Variants in PAX8 observed in about 807,000 individuals in gnomAD.
The protein encoded by PAX8 is paired box protein Pax-8.
Under a neutral mutation model 52.4 loss-of-function variants are expected in PAX8, and 15 were observed. The observed-to-expected ratio is 0.29, with a 90% CI of 0.19 to 0.44. The LOEUF (loss-of-function observed/expected upper bound fraction) is 0.44, where lower values mean the gene tolerates loss of function less well. PAX8 is among the 20% of genes least tolerant of loss of function. The pLI is 1.00. For synonymous variants in PAX8, 284 were observed against 249.7 expected, an observed-to-expected ratio of 1.14 and a Z score of -1.29; for missense variants, 554 against 602.5, an observed-to-expected ratio of 0.92 and a Z score of 0.84.
intron 2 of PAX8, among the ~76,000 whole-genome samples, chr2:113,252,821 C>A (rs1451088688): frequency 6.6e-6 from 1 of 152,204 alleles, no homozygotes; most frequent in Non-Finnish European, 1.5e-5. Context: ...CCAGGTCCTT[C>A]CCCTAAACGT....
intron 2 of PAX8, among the ~76,000 whole-genome samples, chr2:113,264,556 A>G (rs1490013964): frequency 6.6e-6 from 1 of 152,242 alleles, no homozygotes; most frequent in East Asian, 1.9e-4. Context: ...CAGCCCAGAC[A>G]TTTGTAGAGT....
chr2:113,220,130 TAGG>T lies in PAX8; in HGVS notation c.1235_1237del (p.Ser412del). On this transcript the variant is annotated inframe_deletion, in exon 11 of 12. Coordinates refer to ENST00000429538, the MANE Select transcript of PAX8 (RefSeq NM_003466.4). ...GTTGGGGAAGCGCCAGGCCTCGCTGTAGGAGGAGTAGGGGGTGTGGCCATAGGC... is the reference window on the plus strand; with the variant it reads ...GTTGGGGAAGCGCCAGGCCTCGCTGTAGGAGTAGGGGGTGTGGCCATAGGC... 1.2e-6 allele frequency: 2 copies of T among 1,613,706 alleles called. No homozygotes were observed. The highest frequency in any genetic ancestry group is 8.5e-7 in the Non-Finnish European group (1 of 1,179,880).
chr2:113,224,819 A>T (rs915049395), intron 10 of PAX8, among the ~76,000 whole-genome samples: 1 of 146,472 alleles, frequency 6.8e-6, no homozygotes, highest in Admixed American at 6.8e-5. Context: ...AATAAAATAA[A>T]AAAATAAAAT....
intron 5 of PAX8, 47 bp from the exon 6 acceptor site, chr2:113,242,177 TCA>T (rs759180661): frequency 1.9e-6 from 3 of 1,565,418 alleles, no homozygotes; most frequent in South Asian, 2.2e-5. Context: ...GTGACACCCC[TCA>T]CAGCCCTGGG....
At chr2:113,275,820 C>T (rs1210018209) in intron 2 of PAX8, 2 of 152,248 alleles carry the variant, frequency 1.3e-5, no homozygotes, top group Non-Finnish European at 1.5e-5. Flanking sequence ...CTGACCTGCG[C>T]ACGTTAAAAT....
chr2:113,278,584 A>AT, intron 1 of PAX8, 115 bp from the exon 2 acceptor site: 1 of 1,001,526 alleles, frequency 1.0e-6, no homozygotes, highest in Admixed American at 2.2e-5. Context: ...GAGTAGGAGG[A>AT]TTTTTAGGCG....
chr2:113,261,565 GTC>G (rs1379911310), intron 2 of PAX8, among the ~76,000 whole-genome samples: 1 of 152,224 alleles, frequency 6.6e-6, no homozygotes, highest in African/African-American at 2.4e-5. Flanking sequence ...TGTGCACAGT[GTC>G]TGTGGAGTGG....
intron 2 of PAX8, among the ~76,000 whole-genome samples, chr2:113,257,960 G>C (rs1692378981): frequency 6.6e-6 from 1 of 152,184 alleles, no homozygotes; most frequent in African/African-American, 2.4e-5. Context: ...CCTTTACAAA[G>C]TGGCATTACT....
intron 2 of PAX8, chr2:113,265,944 T>A (rs1693022513): frequency 6.6e-6 from 1 of 152,326 alleles, no homozygotes; most frequent in Non-Finnish European, 1.5e-5. Flanking sequence ...GAAATTTGCA[T>A]GGAGCACTCC....
chr2:113,267,870 G>A (rs1254693054), intron 2 of PAX8: 3 of 152,342 alleles, frequency 2.0e-5, no homozygotes, highest in Admixed American at 6.5e-5. Flanking sequence ...GCATGTATAT[G>A]TCTGTGAGTA....
chr2:113,278,313 C>A (rs887883397), intron 2 of PAX8, 57 bp downstream of exon 2: 7 of 1,355,564 alleles, frequency 5.2e-6, no homozygotes, highest in Non-Finnish European at 5.3e-6. Context: ...CCCGAGCGCA[C>A]GCACGGACGC....
intron 2 of PAX8, among the ~76,000 whole-genome samples, chr2:113,261,192 G>T (rs1242958766): frequency 3.3e-5 from 5 of 152,152 alleles, no homozygotes; most frequent in African/African-American, 1.2e-4. Context: ...GCAGTTTCTG[G>T]AGAGGAAACA....
intron 10 of PAX8, chr2:113,225,998 T>C: frequency 2.0e-6 from 2 of 985,678 alleles, no homozygotes; most frequent in Non-Finnish European, 2.4e-6. Flanking sequence ...GTCAGTATTC[T>C]GTATTTTCAA....
chr2:113,269,244 A>C (rs1250052054), intron 2 of PAX8: 18 of 152,260 alleles, frequency 1.2e-4, no homozygotes. Context: ...CAGCCCTGAG[A>C]TGGAGCCCCA....
At chr2:113,247,693 T>C (rs1334864129) in intron 2 of PAX8, among the ~76,000 whole-genome samples, 1 of 152,232 alleles carries the variant, frequency 6.6e-6, no homozygotes, top group East Asian at 1.9e-4. Context: ...CTCTGCTCTC[T>C]GGCCCCAGCC....
At chr2:113,265,617 A>G (rs1480710052) in intron 2 of PAX8, 2 of 152,198 alleles carry the variant, frequency 1.3e-5, no homozygotes, top group Non-Finnish European at 2.9e-5. Flanking sequence ...CTACTTGCTC[A>G]GCATTTTGTG....
At chr2:113,225,892 C>A in intron 10 of PAX8, 1 of 984,488 alleles carries the variant, frequency 1.0e-6, no homozygotes, top group Non-Finnish European at 1.2e-6. Flanking sequence ...AAAAAATAAC[C>A]GAATCTTTTC....
chr2:113,278,874 G>C lies in PAX8; in HGVS notation c.-119C>G, dbSNP rs967036219. 1 of 1,059,544 alleles carries C rather than the reference G, an allele frequency of 9.4e-7. No homozygotes were observed. Among genetic ancestry groups the C allele is most frequent in the African/African-American group, 1.7e-5 (1 of 60,204 alleles). The allele number at this position is 1,059,544 out of a possible 1,614,324, so 65.6% of individuals were successfully genotyped here. ...GCCCTCACTGCTTGGGTCCGCCCGC[G>C]AGGGTGCCCTGGGCCCGGTGTCTCT... On this transcript the variant is annotated 5_prime_UTR_variant, in exon 1 of 12. Transcript: ENST00000429538.
intron 2 of PAX8, among the ~76,000 whole-genome samples, chr2:113,249,891 G>A (rs575288229): frequency 6.6e-6 from 1 of 152,164 alleles, no homozygotes; most frequent in East Asian, 1.9e-4. Flanking sequence ...TGAGAAAGTG[G>A]GTTTTTTTTT....
Sources: allele counts gnomAD v4.1 joint callset (sites outside exome capture counted in the v4.1 genomes callset), GRCh38; gene constraint gnomAD v4.1.1; transcripts MANE v1.5; gene names NCBI Gene and HGNC (gene_info 2026-07-23, HGNC 2026-07-21).